Variants in TP53INP1 observed in about 807,000 individuals in gnomAD.
The protein encoded by TP53INP1 is tumor protein p53-inducible nuclear protein 1.
TP53INP1 carries 12 observed loss-of-function variants against 21.0 expected under a neutral mutation model. The observed-to-expected ratio is 0.57, with a 90% CI of 0.37 to 0.93. TP53INP1 has a LOEUF of 0.93. Among genes scored for constraint, TP53INP1 ranks in the 40% least tolerant of loss-of-function variants. The pLI is 0.01. For synonymous variants in TP53INP1, 91 were observed against 94.8 expected (o/e 0.96, Z 0.23); for missense variants, 274 against 294.7 (o/e 0.93, Z 0.51).
At position 94,940,861 on chromosome 8, in the gene TP53INP1, TTC is replaced by T. The variant is rs1554633315; in HGVS notation, c.79_80del (p.Glu27ArgfsTer2). ...SNQEPEFNEK[E>X]DDEWILVDFI... Reference sequence around the variant, plus strand: ...AGTCAACAAGAATCCATTCATCATCTTCTTTCTCATTGAATTCTGGTTCTTGG... The same window carrying T: ...AGTCAACAAGAATCCATTCATCATCTTTTCTCATTGAATTCTGGTTCTTGG... On this transcript the variant is annotated frameshift_variant, in exon 2 of 4. Transcript: ENST00000342697. LOFTEE classifies it high-confidence loss of function. The T allele has an allele frequency of 6.2e-7, 1 of 1,613,662 alleles. No individual in the cohort carries two copies. Among genetic ancestry groups the T allele is most frequent in the Non-Finnish European group, 8.5e-7 (1 of 1,179,860 alleles).
At chr8:94,947,654 G>T (rs745307454) in intron 1 of TP53INP1, among the ~76,000 whole-genome samples, 30 of 152,202 alleles carry the variant, frequency 2.0e-4, no homozygotes, top group African/African-American at 6.3e-4. Context: ...TGCAAGGGAG[G>T]TTATTCCCCC....
At chr8:94,946,365 T>C (rs891550086) in intron 1 of TP53INP1, among the ~76,000 whole-genome samples, 1 of 152,018 alleles carries the variant, frequency 6.6e-6, no homozygotes, top group Admixed American at 6.5e-5. Flanking sequence ...TTTGTCACTT[T>C]TAAGACAGCC....
At chr8:94,933,832 T>C (rs1203392314) in intron 3 of TP53INP1, among the ~76,000 whole-genome samples, 1 of 23,486 alleles carries the variant, frequency 4.3e-5, no homozygotes, top group Non-Finnish European at 1.4e-4. Context: ...CCCAGCACTT[T>C]GTGGGGGGGG....
In TP53INP1 at chr8:94,928,145, A is replaced by G. The variant is rs780496947; in HGVS notation, c.*2334T>C. On this transcript the variant is annotated 3_prime_UTR_variant, in exon 4 of 4. Transcript: ENST00000342697. Reference sequence around the variant, plus strand: ...AGGTGGTGTGGTAATCCCAACCTTGAAAAAAAGCCCAACGAATGTAATTTT... The same window carrying G: ...AGGTGGTGTGGTAATCCCAACCTTGGAAAAAAGCCCAACGAATGTAATTTT... 4 of 152,206 alleles carry G rather than the reference A, an allele frequency of 2.6e-5. No homozygotes were observed. The highest frequency in any genetic ancestry group is 5.9e-5 in the Non-Finnish European group (4 of 68,034). 9.4% of individuals were successfully genotyped at this position (152,206 alleles called of 1,614,324 possible).
At position 94,926,620 on chromosome 8, in the gene TP53INP1, A is replaced by G. The variant is rs150194304; in HGVS notation, c.*3859T>C. 3 of 152,256 alleles carry G rather than the reference A, an allele frequency of 2.0e-5. No individual in the cohort carries two copies. Among genetic ancestry groups the G allele is most frequent in the Non-Finnish European group, 4.4e-5 (3 of 68,014 alleles). The allele number at this position is 152,256 out of a possible 1,614,324, so 9.4% of individuals were successfully genotyped here. A position where few individuals can be genotyped will look rare whatever the true frequency, so the allele number is the denominator to read the frequency against. The stretch of plus-strand genomic sequence containing the variant: ...AAACTGGACATTTAACAATTACACA[A>G]TTTTTAAAAGTGTCGTAAAATTCTC... On this transcript the variant is annotated 3_prime_UTR_variant, in exon 4 of 4. Coordinates refer to ENST00000342697, the MANE Select transcript of TP53INP1 (RefSeq NM_033285.4).
chr8:94,930,398 C>T lies in TP53INP1; in HGVS notation c.*81G>A. 1 of 1,551,522 alleles carries T rather than the reference C, an allele frequency of 6.4e-7. No individual in the cohort carries two copies. The highest frequency in any genetic ancestry group is 8.7e-7 in the Non-Finnish European group (1 of 1,143,760). ...TGGTTATCAATTGGTTGTAAAGAGA[C>T]AACATTTTCACTGTACATATACACA... On this transcript the variant is annotated 3_prime_UTR_variant, in exon 4 of 4. Transcript: ENST00000342697.
chr8:94,940,095 T>C lies in TP53INP1; in HGVS notation c.238A>G (p.Ser80Gly). The C allele has an allele frequency of 1.2e-6, 2 of 1,614,224 alleles. No homozygotes were observed. Among genetic ancestry groups the C allele is most frequent in the Non-Finnish European group, 1.7e-6 (2 of 1,180,040 alleles). ...TCAAACTGGAGAAAGCAGGAATCAC[T>C]TGTATCAGCCAAGCACTCAAGAGAT... ...PASLECLADT[S>G]DSCFLQFESC... The change falls in exon 3 of 4, where the codon AGT becomes GGT. Residue 80 changes from serine to glycine, a missense_variant. By Grantham distance (56) the Ser-to-Gly change is moderately conservative. Transcript: ENST00000342697.
At chr8:94,944,009 A>G (rs1821781762) in intron 1 of TP53INP1, among the ~76,000 whole-genome samples, 1 of 152,230 alleles carries the variant, frequency 6.6e-6, no homozygotes, top group Non-Finnish European at 1.5e-5. Context: ...ATAAGGTCTG[A>G]TGTAAATAAA....
rs561681972 is a variant in TP53INP1, at chr8:94,926,946, A to C, written c.*3533T>G. On this transcript the variant is annotated 3_prime_UTR_variant, in exon 4 of 4. Transcript: ENST00000342697. ...CTAATATATCAGCATGGCTGATGGC[A>C]GTGAAACCATCCAAGATAGAAGGCC... The C allele has an allele frequency of 6.6e-6, 1 of 152,374 alleles. No individual in the cohort carries two copies. Among genetic ancestry groups the C allele is most frequent in the South Asian group, 2.1e-4 (1 of 4,834 alleles). The allele number at this position is 152,374 out of a possible 1,614,324, so 9.4% of individuals were successfully genotyped here. A position where few individuals can be genotyped will look rare whatever the true frequency, so the allele number is the denominator to read the frequency against.
At chr8:94,941,970 T>A (rs1160485784) in intron 1 of TP53INP1, among the ~76,000 whole-genome samples, 2 of 151,870 alleles carry the variant, frequency 1.3e-5, no homozygotes, top group Non-Finnish European at 2.9e-5. Flanking sequence ...CTGCCCTTCA[T>A]CCCTTTCTCA....
rs574730962 is a variant in TP53INP1, at chr8:94,938,919, G to A, written c.473+941C>T. ...GGGGCTTGAGATTGGCATCAGAAAT[G>A]GGAGGCAGTCTTTTGGGACTAAGCC... On this transcript the variant is annotated intron_variant, in intron 3 of 3. Transcript: ENST00000342697. 2.6e-5 allele frequency among the ~76,000 whole-genome samples: 4 copies of A among 152,336 alleles called. No homozygotes were observed. In the East Asian group the frequency reaches 5.8e-4, roughly 22 times the overall value.
In TP53INP1 at chr8:94,939,107, G is replaced by A. The variant is rs141268490; in HGVS notation, c.473+753C>T. 4.6e-5 allele frequency among the ~76,000 whole-genome samples: 7 copies of A among 152,334 alleles called. No individual in the cohort carries two copies. In the East Asian group the frequency reaches 1.3e-3, roughly 29 times the overall value. On this transcript the variant is annotated intron_variant, in intron 3 of 3. Coordinates refer to ENST00000342697, the MANE Select transcript of TP53INP1 (RefSeq NM_033285.4). Reference sequence around the variant, plus strand: ...AGCACTGGGTGACTGTGCAGTGTGAGTATTGCAGGAAGAAACTGAGTTTGT... The same window carrying A: ...AGCACTGGGTGACTGTGCAGTGTGAATATTGCAGGAAGAAACTGAGTTTGT...
intron 3 of TP53INP1, among the ~76,000 whole-genome samples, chr8:94,935,128 T>G (rs199734653): frequency 4.1e-4 from 60 of 144,750 alleles, no homozygotes; most frequent in Admixed American, 1.3e-3. Context: ...GGTAGATAGA[T>G]ATAGATAGAT....
At chr8:94,934,826 C>T (rs941304333) in intron 3 of TP53INP1, among the ~76,000 whole-genome samples, 1 of 152,070 alleles carries the variant, frequency 6.6e-6, no homozygotes, top group African/African-American at 2.4e-5. Context: ...TGTTGGAATG[C>T]CTGAAACACC....
chr8:94,932,422 G>T (rs1386458643), intron 3 of TP53INP1, among the ~76,000 whole-genome samples: 1 of 152,214 alleles, frequency 6.6e-6, no homozygotes, highest in Admixed American at 6.5e-5. Context: ...TTCATTTCCT[G>T]CTAAGAAAAC....
intron 1 of TP53INP1, among the ~76,000 whole-genome samples, chr8:94,943,106 G>C (rs1438942322): frequency 6.6e-6 from 1 of 152,190 alleles, no homozygotes; most frequent in African/African-American, 2.4e-5. Context: ...GCAGGCAGCA[G>C]GATATAGAGC....
chr8:94,945,482 G>A (rs993412963), intron 1 of TP53INP1: 2 of 152,100 alleles, frequency 1.3e-5, no homozygotes, highest in Admixed American at 6.5e-5. Context: ...CTGTTGAACA[G>A]GACTGTTCTA....
At chr8:94,936,847 A>G (rs2131347324) in intron 3 of TP53INP1, among the ~76,000 whole-genome samples, 1 of 152,308 alleles carries the variant, frequency 6.6e-6, no homozygotes, top group South Asian at 2.1e-4. Context: ...GTGCAGAGAC[A>G]GGCTGCATCT....
At chr8:94,931,964 T>TC in intron 3 of TP53INP1, 1 of 1,103,154 alleles carries the variant, frequency 9.1e-7, no homozygotes, top group Non-Finnish European at 1.3e-6. Context: ...AGAGTGAGAC[T>TC]CCATCTCAAA....
Sources: gnomAD v4.1 joint callset for allele counts (sites outside exome capture counted in the v4.1 genomes callset) on GRCh38, gnomAD v4.1.1 for gene constraint, MANE v1.5 for transcripts, NCBI Gene and HGNC (gene_info 2026-07-23, HGNC 2026-07-21) for gene names.